FAM135B: variants seen among roughly 807,000 people sequenced by gnomAD.
The protein encoded by FAM135B is protein FAM135B.
In FAM135B, 43 loss-of-function variants were observed where a neutral mutation model predicts 127.7. The ratio of observed to expected loss-of-function variants is 0.34; its 90% CI spans 0.26 to 0.43. The LOEUF (loss-of-function observed/expected upper bound fraction) is 0.43. Ranked by LOEUF, FAM135B falls within the 20% of genes least tolerant of loss-of-function variation. The probability of loss-of-function intolerance (pLI) is 1.00; values close to 1 mark genes in which losing one functional copy is unlikely to be tolerated. For synonymous variants in FAM135B, 670 were observed against 665.1 expected (o/e 1.01, Z -0.11); for missense variants, 1,558 against 1,725.6 (o/e 0.90, Z 1.72).
intron 1 of FAM135B, among the ~76,000 whole-genome samples, chr8:138,467,136 A>G (rs1356112497): frequency 1.3e-5 from 2 of 152,228 alleles, no homozygotes; most frequent in African/African-American, 4.8e-5. Flanking sequence ...GGAAGATCCC[A>G]TCTGGCCTGT....
intron 1 of FAM135B, among the ~76,000 whole-genome samples, chr8:138,413,392 A>G (rs1182839318): frequency 6.6e-6 from 1 of 152,156 alleles, no homozygotes; most frequent in Non-Finnish European, 1.5e-5. Flanking sequence ...ATTTTTAATG[A>G]TACCACTTTA....
At chr8:138,264,050 T>A (rs1220104446) in intron 4 of FAM135B, among the ~76,000 whole-genome samples, 2 of 152,198 alleles carry the variant, frequency 1.3e-5, no homozygotes, top group African/African-American at 4.8e-5. Context: ...TCCATCTTCA[T>A]CTCCTGCTCC....
At chr8:138,182,314 G>A (rs752755976) in intron 9 of FAM135B, among the ~76,000 whole-genome samples, 1 of 152,204 alleles carries the variant, frequency 6.6e-6, no homozygotes, top group Admixed American at 6.5e-5. Context: ...ATCACAGATG[G>A]CGAGCTTGGA....
intron 15 of FAM135B, among the ~76,000 whole-genome samples, chr8:138,143,364 C>T (rs982346887): frequency 4.6e-5 from 7 of 152,134 alleles, no homozygotes; most frequent in Admixed American, 1.3e-4. Flanking sequence ...CTTGTGGTGC[C>T]GACTGCCACA....
intron 2 of FAM135B, among the ~76,000 whole-genome samples, chr8:138,359,619 T>C (rs1261051255): frequency 6.6e-6 from 1 of 152,192 alleles, no homozygotes; most frequent in Non-Finnish European, 1.5e-5. Context: ...AGTGTGGGAA[T>C]GAATGAAAAG....
intron 2 of FAM135B, among the ~76,000 whole-genome samples, chr8:138,357,470 A>C (rs899159009): frequency 1.3e-5 from 2 of 152,180 alleles, no homozygotes; most frequent in South Asian, 4.1e-4. Flanking sequence ...ATGTGAATAT[A>C]AAATAGTTTG....
Position 138,241,357 on chromosome 8 carries a change from T to C in FAM135B, c.669+1585A>G, listed in dbSNP as rs767968159. On this transcript the variant is annotated intron_variant, in intron 7 of 19. Transcript: ENST00000395297. This position sits in a 1 kb window ranked among gnomAD's most constrained non-coding sequence, Gnocchi z 4.8. Reference sequence around the variant, plus strand: ...TCACCGGAGTCTACCCTGGAACTGGTCTTATTTGGCTCTAAAATCTGCTCC... The same window carrying C: ...TCACCGGAGTCTACCCTGGAACTGGCCTTATTTGGCTCTAAAATCTGCTCC... Among the ~76,000 whole-genome samples, 4 of 152,124 alleles carry C rather than the reference T, an allele frequency of 2.6e-5. No individual in the cohort carries two copies. Among genetic ancestry groups the C allele is most frequent in the African/African-American group, 9.7e-5 (4 of 41,408 alleles).
At chr8:138,477,376 T>C (rs1158590841) in intron 1 of FAM135B, 1 of 152,178 alleles carries the variant, frequency 6.6e-6, no homozygotes, top group African/African-American at 2.4e-5. Context: ...TCACCTTCTC[T>C]AGGGATACCT....
At chr8:138,282,236 G>C (rs575816776) in intron 3 of FAM135B, among the ~76,000 whole-genome samples, 3 of 152,128 alleles carry the variant, frequency 2.0e-5, no homozygotes, top group Non-Finnish European at 2.9e-5. Context: ...AGATAATACA[G>C]AGAAATATTT....
chr8:138,433,250 GTGGCTCA>G (rs1192325780), intron 1 of FAM135B, among the ~76,000 whole-genome samples: 3 of 152,092 alleles, frequency 2.0e-5, no homozygotes, highest in Non-Finnish European at 4.4e-5. Flanking sequence ...GCCGGGCACG[GTGGCTCA>G]TGCCTGTAAA....
At chr8:138,341,414 G>C (rs1279154778) in intron 2 of FAM135B, among the ~76,000 whole-genome samples, 2 of 152,202 alleles carry the variant, frequency 1.3e-5, no homozygotes, top group African/African-American at 4.8e-5. Flanking sequence ...CAGGGAGAAA[G>C]GCAGGAACTG....
rs547638995 is a variant in FAM135B at position 138,409,828 on chromosome 8, T to A, written c.-19-41826A>T. On this transcript the variant is annotated intron_variant, in intron 1 of 19. Coordinates refer to ENST00000395297, the MANE Select transcript of FAM135B (RefSeq NM_015912.4). ...AGGCGGAGCTTGCAGTGAACCGAGA[T>A]CGCGCCATTGCACTCCACTCCAGCC... Among the ~76,000 whole-genome samples the A allele has an allele frequency of 4.3e-3, 582 of 133,886 alleles. 6 individuals are homozygous for A. Among genetic ancestry groups the A allele is most frequent in the African/African-American group, 0.016 (559 of 34,698 alleles). The allele number at this position is 133,886 out of a possible 152,430, so 87.8% of individuals were successfully genotyped here.
intron 7 of FAM135B, among the ~76,000 whole-genome samples, chr8:138,210,866 C>T (rs1439927672): frequency 6.6e-6 from 1 of 152,154 alleles, no homozygotes; most frequent in Non-Finnish European, 1.5e-5. Flanking sequence ...CAAGCATACA[C>T]ACACCCATGT....
chr8:138,296,792 C>T (rs1825510018), intron 3 of FAM135B, among the ~76,000 whole-genome samples: 1 of 152,160 alleles, frequency 6.6e-6, no homozygotes, highest in South Asian at 2.1e-4. Flanking sequence ...CCCAGGGTAA[C>T]TATTTCTCTT....
At chr8:138,309,624 C>T (rs1826512399) in intron 3 of FAM135B, among the ~76,000 whole-genome samples, 1 of 152,208 alleles carries the variant, frequency 6.6e-6, no homozygotes, top group Non-Finnish European at 1.5e-5. Context: ...ACCACCACAT[C>T]TACTTTCCTG....
chr8:138,337,147 T>C (rs1285226101), intron 2 of FAM135B, among the ~76,000 whole-genome samples: 2 of 152,016 alleles, frequency 1.3e-5, no homozygotes, highest in Non-Finnish European at 2.9e-5. Flanking sequence ...CCACAGACAA[T>C]ATCATACTGA....
intron 9 of FAM135B, among the ~76,000 whole-genome samples, chr8:138,187,919 T>C (rs1815734973): frequency 6.6e-6 from 1 of 152,158 alleles, no homozygotes; most frequent in South Asian, 2.1e-4. Flanking sequence ...GCCAATGATT[T>C]AATCAATTGT....
intron 1 of FAM135B, among the ~76,000 whole-genome samples, chr8:138,491,142 CAAA>C (rs796189435): frequency 1.4e-4 from 10 of 73,722 alleles, no homozygotes; most frequent in East Asian, 1.0e-3. Flanking sequence ...AACTCTCTCT[CAAA>C]AAAAAAAAAA....
intron 2 of FAM135B, among the ~76,000 whole-genome samples, chr8:138,316,228 C>T (rs1425519929): frequency 1.3e-5 from 2 of 152,132 alleles, no homozygotes; most frequent in African/African-American, 2.4e-5. Context: ...ACAATGAGGC[C>T]GGGCGCGGTG....
Sources: allele counts gnomAD v4.1 joint callset (sites outside exome capture counted in the v4.1 genomes callset), GRCh38; gene constraint gnomAD v4.1.1; non-coding constraint Gnocchi (gnomAD v3.1); transcripts MANE v1.5; gene names NCBI Gene and HGNC (gene_info 2026-07-23, HGNC 2026-07-21).